KCMF1: variants seen among roughly 807,000 people sequenced by gnomAD.
KCMF1 encodes E3 ubiquitin-protein ligase KCMF1.
A neutral mutation model predicts 41.1 loss-of-function variants in KCMF1; 3 were observed. The ratio of observed to expected loss-of-function variants is 0.07; its 90% CI spans 0.03 to 0.19. The LOEUF (loss-of-function observed/expected upper bound fraction) is 0.19. Among genes scored for constraint, KCMF1 ranks in the 10% least tolerant of loss-of-function variants. The pLI is 1.00. For missense variants in KCMF1, 286 were observed against 488.9 expected (o/e 0.58, Z 3.91); for synonymous variants, 142 against 164.5 (o/e 0.86, Z 1.04).
intron 1 of KCMF1, among the ~76,000 whole-genome samples, chr2:84,992,280 G>C (rs974853922): frequency 6.6e-6 from 1 of 152,054 alleles, no homozygotes; most frequent in African/African-American, 2.4e-5. Context: ...TTTTGAGATG[G>C]AATCTCACTC....
At chr2:85,037,400 G>A (rs1675427984) in intron 3 of KCMF1, among the ~76,000 whole-genome samples, 1 of 152,184 alleles carries the variant, frequency 6.6e-6, no homozygotes, top group African/African-American at 2.4e-5. Context: ...GCATTCAGCA[G>A]GTACAGCCAA....
chr2:84,985,163 C>G (rs1389579642), intron 1 of KCMF1, among the ~76,000 whole-genome samples: 1 of 152,116 alleles, frequency 6.6e-6, no homozygotes, highest in Non-Finnish European at 1.5e-5. Context: ...GGCCATGTGG[C>G]TGGAGGGCAA....
intron 1 of KCMF1, among the ~76,000 whole-genome samples, chr2:85,008,291 T>TATATAATATATAATATGATATATA (rs1486177880): frequency 0.036 from 521 of 14,622 alleles, 9 homozygotes; most frequent in South Asian, 0.098. Context: ...TGATATATAA[T>TATATAATATATAATATGATATATA]ATATATAATA....
At chr2:85,040,312 G>A (rs985220401) in intron 3 of KCMF1, among the ~76,000 whole-genome samples, 3 of 152,064 alleles carry the variant, frequency 2.0e-5, no homozygotes, top group South Asian at 2.1e-4. Context: ...TAATTTTAGG[G>A]TCAGTACCCT....
At chr2:85,006,122 G>A (rs181672714) in intron 1 of KCMF1, among the ~76,000 whole-genome samples, 1 of 151,244 alleles carries the variant, frequency 6.6e-6, no homozygotes, top group African/African-American at 2.4e-5. Context: ...ATTTGTTACC[G>A]ATATTTCTCC....
chr2:85,035,227 G>C, intron 3 of KCMF1, 72 bp downstream of exon 3: 1 of 1,310,668 alleles, frequency 7.6e-7, no homozygotes, highest in Non-Finnish European at 1.1e-6. Flanking sequence ...AATAAAGCTA[G>C]GTCACTGTCA....
chr2:85,046,579 G>C (rs112222670), intron 5 of KCMF1, among the ~76,000 whole-genome samples: 2 of 150,656 alleles, frequency 1.3e-5, no homozygotes, highest in African/African-American at 4.9e-5. Context: ...CCAGGGAGCC[G>C]AGATCGCACC....
chr2:85,041,677 T>C (rs2104051259), intron 3 of KCMF1, among the ~76,000 whole-genome samples: 1 of 152,250 alleles, frequency 6.6e-6, no homozygotes, highest in South Asian at 2.1e-4. Flanking sequence ...TTGTTAACTT[T>C]TTCAGAATGA....
intron 3 of KCMF1, among the ~76,000 whole-genome samples, chr2:85,036,811 GTATTATTATA>G (rs1675412169): frequency 1.4e-5 from 2 of 148,060 alleles, no homozygotes; most frequent in Non-Finnish European, 3.0e-5. Context: ...AAAAAATTAT[GTATTATTATA>G]TATAATATAT....
intron 1 of KCMF1, among the ~76,000 whole-genome samples, chr2:85,018,669 A>G (rs900507432): frequency 4.6e-5 from 7 of 152,148 alleles, no homozygotes; most frequent in African/African-American, 1.7e-4. Flanking sequence ...TGAAACCTAA[A>G]TATTTTTTAA....
intron 3 of KCMF1, among the ~76,000 whole-genome samples, chr2:85,035,908 A>G (rs1675391311): frequency 6.6e-6 from 1 of 152,204 alleles, no homozygotes; most frequent in Non-Finnish European, 1.5e-5. Flanking sequence ...TGGCACAGTA[A>G]TTGCATATTG....
chr2:85,023,840 T>A (rs992554681), intron 1 of KCMF1, among the ~76,000 whole-genome samples: 3 of 152,354 alleles, frequency 2.0e-5, no homozygotes, highest in African/African-American at 7.2e-5. Context: ...GTATAAGCAC[T>A]TCTGCTGCCC....
intron 3 of KCMF1, among the ~76,000 whole-genome samples, chr2:85,037,877 G>T (rs182102230): frequency 1.3e-5 from 2 of 152,270 alleles, no homozygotes; most frequent in East Asian, 1.9e-4. Context: ...GGACATTACC[G>T]CCTGAACTCC....
chr2:85,026,248 C>T (rs537194730), intron 1 of KCMF1, among the ~76,000 whole-genome samples: 1 of 151,982 alleles, frequency 6.6e-6, no homozygotes, highest in South Asian at 2.1e-4. Flanking sequence ...ACCTCAGTCT[C>T]CCAAAGTGCT....
intron 2 of KCMF1, among the ~76,000 whole-genome samples, chr2:85,029,210 T>G (rs1252371795): frequency 2.6e-5 from 4 of 152,036 alleles, no homozygotes; most frequent in Middle Eastern, 3.4e-3. Flanking sequence ...GTTATCCACC[T>G]GCCTTCGCCT....
At chr2:84,974,671 A>ATT in intron 1 of KCMF1, among the ~76,000 whole-genome samples, 1 of 30,432 alleles carries the variant, frequency 3.3e-5, no homozygotes, top group Non-Finnish European at 6.1e-5. Context: ...ATATATATAT[A>ATT]TATATATATA....
intron 3 of KCMF1, among the ~76,000 whole-genome samples, chr2:85,040,187 AGTT>A (rs1055516558): frequency 2.0e-5 from 3 of 152,226 alleles, no homozygotes; most frequent in African/African-American, 7.2e-5. Context: ...TTAATTGACA[AGTT>A]GTTGTAATTT....
At chr2:85,025,181 G>C (rs140279661) in intron 1 of KCMF1, among the ~76,000 whole-genome samples, 34 of 152,116 alleles carry the variant, frequency 2.2e-4, no homozygotes, top group African/African-American at 7.5e-4. Context: ...CAAATCTGTT[G>C]ACATTTTATT....
At chr2:85,053,078 T>C in intron 6 of KCMF1, 70 bp from the exon 7 acceptor site, 2 of 1,405,824 alleles carry the variant, frequency 1.4e-6, no homozygotes, top group South Asian at 2.8e-5. Flanking sequence ...TGGAGAGCAC[T>C]GTAGAAATTG....
Sources: gnomAD v4.1 joint callset for allele counts (sites outside exome capture counted in the v4.1 genomes callset) on GRCh38, gnomAD v4.1.1 for gene constraint, MANE v1.5 for transcripts, NCBI Gene and HGNC (gene_info 2026-07-23, HGNC 2026-07-21) for gene names.